PSMD11: variants seen among roughly 807,000 people sequenced by gnomAD.
PSMD11 encodes 26S proteasome non-ATPase regulatory subunit 11.
Under a neutral mutation model 62.3 loss-of-function variants are expected in PSMD11, and 5 were observed. The observed-to-expected ratio is 0.08, with a 90% confidence interval of 0.04 to 0.17. The LOEUF is 0.17. PSMD11 is among the 10% of genes least tolerant of loss of function. PSMD11 has a pLI of 1.00. For synonymous variants in PSMD11, 191 were observed against 191.8 expected (o/e 1.00, Z 0.03); for missense variants, 310 against 512.9 (o/e 0.60, Z 3.82).
At chr17:32,453,553 G>A (rs1333012021) in intron 2 of PSMD11, among the ~76,000 whole-genome samples, 4 of 152,138 alleles carry the variant, frequency 2.6e-5, no homozygotes, top group African/African-American at 9.7e-5. Flanking sequence ...AGGCAGATGA[G>A]GATTTCAGGG....
At chr17:32,458,244 C>G (rs1907708264) in intron 3 of PSMD11, among the ~76,000 whole-genome samples, 1 of 152,182 alleles carries the variant, frequency 6.6e-6, no homozygotes, top group African/African-American at 2.4e-5. Context: ...TCTCCCACAA[C>G]TCAAACCTTC....
intron 1 of PSMD11, chr17:32,445,236 A>C (rs1907298007): frequency 6.5e-6 from 1 of 154,884 alleles, no homozygotes; most frequent in Non-Finnish European, 1.4e-5. Flanking sequence ...TGGTTTGTGG[A>C]GGTGGCCGAG....
At chr17:32,459,909 G>A (rs999708735) in intron 3 of PSMD11, among the ~76,000 whole-genome samples, 5 of 152,170 alleles carry the variant, frequency 3.3e-5, no homozygotes, top group Admixed American at 2.6e-4. Context: ...TTATAGGTGT[G>A]AGCCACCACA....
intron 2 of PSMD11, among the ~76,000 whole-genome samples, chr17:32,454,251 TCCTG>T (rs1486967145): frequency 6.6e-6 from 1 of 152,238 alleles, no homozygotes; most frequent in Non-Finnish European, 1.5e-5. Flanking sequence ...CATGAGCTTT[TCCTG>T]CAACTTCATA....
At chr17:32,450,346 C>A in intron 2 of PSMD11, among the ~76,000 whole-genome samples, 1 of 150,270 alleles carries the variant, frequency 6.7e-6, no homozygotes, top group African/African-American at 2.5e-5. Flanking sequence ...CTTCTGCCTC[C>A]TGGGTTCAAG....
rs1907263699 is a variant in PSMD11, at chr17:32,444,574, C to T, written c.51C>T (p.Ser17=). 6.2e-7 allele frequency: 1 copy of T among 1,611,906 alleles called. No individual in the cohort carries two copies. The highest frequency in any genetic ancestry group is 8.5e-7 in the Non-Finnish European group (1 of 1,179,348). ...VEFQRAQSLL[S]TDREASIDIL... Reference sequence around the variant, plus strand: ...TCCAGAGAGCCCAGTCTCTACTCAGCACCGACCGGGAGGCCTCCATCGACA... The same window carrying T: ...TCCAGAGAGCCCAGTCTCTACTCAGTACCGACCGGGAGGCCTCCATCGACA... The change falls in exon 1 of 14, where the codon AGC becomes AGT. Residue 17 remains serine (S), a synonymous_variant. Transcript: ENST00000261712.
At chr17:32,449,275 T>G (rs577623809) in intron 2 of PSMD11, among the ~76,000 whole-genome samples, 1 of 152,054 alleles carries the variant, frequency 6.6e-6, no homozygotes, top group East Asian at 1.9e-4. Context: ...TGTGGTGTTA[T>G]GTGCCTGTAG....
chr17:32,461,655 C>T (rs1278447420), intron 3 of PSMD11, among the ~76,000 whole-genome samples: 1 of 150,720 alleles, frequency 6.6e-6, no homozygotes, highest in Non-Finnish European at 1.5e-5. Context: ...AAAATCCTTG[C>T]TGTAGGAGAA....
chr17:32,460,878 G>T (rs1219502920), intron 3 of PSMD11, among the ~76,000 whole-genome samples: 1 of 152,020 alleles, frequency 6.6e-6, no homozygotes, highest in African/African-American at 2.4e-5. Context: ...AGAAAGTGAG[G>T]GCATGTGAGT....
rs1383430341 is a variant in PSMD11 at position 32,469,033 on chromosome 17, C to T, written c.483C>T (p.Asp161=). ...TGCTGCGGGAGTTGAAAAAGATGGA[C>T]GACAAAGCTCTTTTGGTGGAAGTAC... ...SQLLRELKKM[D]DKALLVEVQL... The change falls in exon 6 of 14, where the codon GAC becomes GAT. Residue 161 remains aspartate (D), a synonymous_variant. Coordinates refer to ENST00000261712, the MANE Select transcript of PSMD11 (RefSeq NM_002815.4). 16 of 1,613,430 alleles carry T rather than the reference C, an allele frequency of 9.9e-6. No homozygotes were observed. Among genetic ancestry groups the T allele is most frequent in the Admixed American group, 6.7e-5 (4 of 59,876 alleles).
intron 3 of PSMD11, among the ~76,000 whole-genome samples, chr17:32,456,459 G>A (rs1016297408): frequency 7.2e-5 from 11 of 152,104 alleles, no homozygotes; most frequent in African/African-American, 2.2e-4. Flanking sequence ...TGCAACCCCC[G>A]CCTCCCGGGT....
intron 8 of PSMD11, among the ~76,000 whole-genome samples, chr17:32,475,748 G>A (rs1465312740): frequency 2.0e-5 from 3 of 151,776 alleles, no homozygotes; most frequent in Admixed American, 2.0e-4. Flanking sequence ...ACAGGCATCC[G>A]CCACTATGCC....
chr17:32,478,792 G>T (rs1307832611), intron 9 of PSMD11, among the ~76,000 whole-genome samples: 2 of 152,074 alleles, frequency 1.3e-5, no homozygotes, highest in Non-Finnish European at 2.9e-5. Context: ...AGCTAATTTG[G>T]TTCATGAGCT....
chr17:32,460,428 A>C (rs570645731), intron 3 of PSMD11, among the ~76,000 whole-genome samples: 3 of 152,256 alleles, frequency 2.0e-5, no homozygotes, highest in African/African-American at 7.2e-5. Flanking sequence ...GGTACTGAGA[A>C]TATGAGGGAG....
Position 32,477,524 on chromosome 17 carries a change from G to A in PSMD11, c.853G>A (p.Glu285Lys). Residue 285 changes from glutamate (E) to lysine (K), a missense_variant, in exon 9 of 14, where the codon GAA (glutamate) becomes AAA (lysine). Coordinates refer to ENST00000261712, the MANE Select transcript of PSMD11 (RefSeq NM_002815.4). ...TGGTTTGTCTCTTTATTCTCAGACA[G>A]AAGCATTAAAATGCGTGGCTCAGGC... ...LALRYAGRQT[E>K]ALKCVAQASK... The A allele has an allele frequency of 6.2e-7, 1 of 1,603,780 alleles. No homozygotes were observed. The highest frequency in any genetic ancestry group is 8.5e-7 in the Non-Finnish European group (1 of 1,175,620).
At chr17:32,467,871 C>G (rs35177842) in intron 5 of PSMD11, among the ~76,000 whole-genome samples, 5,816 of 152,158 alleles carry the variant, frequency 0.038, 144 homozygotes, top group Non-Finnish European at 0.06. Flanking sequence ...GGTAAACTTG[C>G]GTCATGCAGT....
At chr17:32,476,354 A>G (rs933249841) in intron 8 of PSMD11, among the ~76,000 whole-genome samples, 1 of 152,206 alleles carries the variant, frequency 6.6e-6, no homozygotes, top group African/African-American at 2.4e-5. Context: ...GTTCAGGGCA[A>G]GGTCAGGTAG....
intron 3 of PSMD11, among the ~76,000 whole-genome samples, chr17:32,461,809 A>G (rs1333135349): frequency 1.3e-5 from 2 of 152,172 alleles, no homozygotes; most frequent in Non-Finnish European, 2.9e-5. Flanking sequence ...CATCTTATAC[A>G]ATTGTGATAT....
At chr17:32,448,222 G>A (rs1336444280) in intron 2 of PSMD11, among the ~76,000 whole-genome samples, 1 of 151,904 alleles carries the variant, frequency 6.6e-6, no homozygotes, top group Non-Finnish European at 1.5e-5. Flanking sequence ...TTAATTATTA[G>A]GCTCAGTCTA....
Sources: allele counts gnomAD v4.1 joint callset (sites outside exome capture counted in the v4.1 genomes callset), GRCh38; gene constraint gnomAD v4.1.1; transcripts MANE v1.5; gene names NCBI Gene and HGNC (gene_info 2026-07-23, HGNC 2026-07-21).